The following MBD5 variants were observed in gnomAD, a reference collection of about 807,000 sequenced individuals.
The protein encoded by MBD5 is methyl-CpG binding domain protein 5, also known as methyl-CpG-binding domain protein 5.
In MBD5, 13 loss-of-function variants were observed where a neutral mutation model predicts 117.3. That is an observed-to-expected ratio of 0.11 (90% confidence interval 0.07 to 0.18). The LOEUF is 0.18. Among genes scored for constraint, MBD5 ranks in the 10% least tolerant of loss-of-function variants. The pLI is 1.00. For synonymous variants in MBD5, 727 were observed against 766.4 expected, an observed-to-expected ratio of 0.95 and a Z score of 0.85; for missense variants, 1,879 against 2,093.8, an observed-to-expected ratio of 0.90 and a Z score of 2.00.
At chr2:148,491,322 T>C (rs1681519261) in intron 11 of MBD5, among the ~76,000 whole-genome samples, 1 of 150,688 alleles carries the variant, frequency 6.6e-6, no homozygotes, top group Non-Finnish European at 1.5e-5. Context: ...TTTCGGCCTT[T>C]ACAATAATGG....
chr2:148,383,083 G>A (rs1485459317), intron 4 of MBD5, among the ~76,000 whole-genome samples: 1 of 151,966 alleles, frequency 6.6e-6, no homozygotes, highest in Non-Finnish European at 1.5e-5. Flanking sequence ...AAAGCTAGCA[G>A]AAGGCAAGAA....
chr2:148,108,432 G>C lies in MBD5; in HGVS notation c.-924-70268G>C, dbSNP rs16828249. On this transcript the variant is annotated intron_variant, in intron 1 of 13. Transcript: ENST00000642680. ...TATAAATGTTTGCTACTGTTATTAT[G>C]ATCAATGTGGTGTGTCTAGTTTATG... is the stretch of plus-strand genomic sequence containing the variant. Among the ~76,000 whole-genome samples, 1,136 of 151,884 alleles carry C rather than the reference G, an allele frequency of 7.5e-3. 12 individuals are homozygous for C. Among genetic ancestry groups the C allele is most frequent in the African/African-American group, 0.025 (1,053 of 41,422 alleles).
At chr2:148,057,860 AGTT>A (rs146690026) in intron 1 of MBD5, among the ~76,000 whole-genome samples, 12,233 of 151,892 alleles carry the variant, frequency 0.081, 582 homozygotes, top group South Asian at 0.14. Flanking sequence ...AAACTTACTG[AGTT>A]GTTGTTGTTT....
chr2:148,323,400 A>G (rs1319010364), intron 3 of MBD5, among the ~76,000 whole-genome samples: 1 of 151,544 alleles, frequency 6.6e-6, no homozygotes, highest in Non-Finnish European at 1.5e-5. Flanking sequence ...TTCTAGTTCT[A>G]GATCCCTGAG....
intron 3 of MBD5, among the ~76,000 whole-genome samples, chr2:148,313,008 G>T (rs1032538576): frequency 6.6e-6 from 1 of 152,158 alleles, no homozygotes; most frequent in Non-Finnish European, 1.5e-5. Context: ...ATTGCTGCCT[G>T]TTCCTTCCTC....
intron 4 of MBD5, among the ~76,000 whole-genome samples, chr2:148,401,068 T>G (rs1328825784): frequency 3.3e-5 from 5 of 152,168 alleles, no homozygotes; most frequent in Admixed American, 3.3e-4. Context: ...ATCTGGTCCA[T>G]AAGGAGATTT....
At chr2:148,380,091 T>C (rs1574355496) in intron 4 of MBD5, among the ~76,000 whole-genome samples, 1 of 152,084 alleles carries the variant, frequency 6.6e-6, no homozygotes, top group East Asian at 1.9e-4. Flanking sequence ...AAAACAAAAC[T>C]GGGCATCAAT....
At position 148,490,469 on chromosome 2, in the gene MBD5, C is replaced by T. The variant is rs773779478; in HGVS notation, c.4837C>T (p.Pro1613Ser). 3 of 1,614,154 alleles carry T rather than the reference C, an allele frequency of 1.9e-6. No homozygotes were observed. Among genetic ancestry groups the T allele is most frequent in the Non-Finnish European group, 1.7e-6 (2 of 1,180,032 alleles). Residue 1613 changes from proline to serine, a missense_variant, in exon 11 of 14, where the codon CCA becomes TCA. By Grantham distance (74) the Pro-to-Ser change is moderately conservative. Coordinates refer to ENST00000642680, the MANE Select transcript of MBD5 (RefSeq NM_001378120.1). ...TTCAAATGAATTGATACATTATAGA[C>T]CAAGGACGTTCAATGTTGGCGACTT... ...PSSNELIHYRPRTFNVGDLVW... is the reference protein window; with the variant it reads ...PSSNELIHYRSRTFNVGDLVW...
chr2:148,446,398 A>AAAAC (rs532774841), intron 4 of MBD5, among the ~76,000 whole-genome samples: 86 of 152,152 alleles, frequency 5.7e-4, no homozygotes, highest in East Asian at 2.1e-3. Flanking sequence ...GTGATATCCA[A>AAAAC]AAACAAACAA....
At chr2:148,263,223 T>C (rs1700773520) in intron 3 of MBD5, among the ~76,000 whole-genome samples, 1 of 152,136 alleles carries the variant, frequency 6.6e-6, no homozygotes, top group Middle Eastern at 3.2e-3. Flanking sequence ...GAGAAATATC[T>C]GGGCTGAGAA....
intron 2 of MBD5, among the ~76,000 whole-genome samples, chr2:148,204,991 A>C (rs548362106): frequency 6.6e-6 from 1 of 152,108 alleles, no homozygotes; most frequent in Non-Finnish European, 1.5e-5. Context: ...AAAATTCCCT[A>C]AAAATAAAAT....
intron 3 of MBD5, among the ~76,000 whole-genome samples, chr2:148,237,329 C>T (rs142977914): frequency 1.4e-3 from 213 of 152,288 alleles, no homozygotes; most frequent in African/African-American, 4.7e-3. Flanking sequence ...GACATGTCTT[C>T]CTTACAGTGC....
At chr2:148,036,901 G>A (rs1223385511) in intron 1 of MBD5, among the ~76,000 whole-genome samples, 1 of 151,930 alleles carries the variant, frequency 6.6e-6, no homozygotes, top group African/African-American at 2.4e-5. Flanking sequence ...TAACTCATAA[G>A]TTTAAGAAAC....
At chr2:148,141,308 G>A (rs1351744473) in intron 1 of MBD5, among the ~76,000 whole-genome samples, 1 of 152,014 alleles carries the variant, frequency 6.6e-6, no homozygotes, top group African/African-American at 2.4e-5. Context: ...TCTTGCAATT[G>A]GAGACACTCC....
intron 4 of MBD5, among the ~76,000 whole-genome samples, chr2:148,374,278 AACATGCATATGC>A (rs1703936424): frequency 7.2e-6 from 1 of 138,526 alleles, no homozygotes; most frequent in Non-Finnish European, 1.6e-5. Flanking sequence ...CACACACACG[AACATGCATATGC>A]CCATGTATTT....
At chr2:148,202,687 A>AT (rs1699173921) in intron 2 of MBD5, among the ~76,000 whole-genome samples, 1 of 152,090 alleles carries the variant, frequency 6.6e-6, no homozygotes, top group Non-Finnish European at 1.5e-5. Flanking sequence ...CATATATTGG[A>AT]TTTTTTTAGA....
intron 1 of MBD5, among the ~76,000 whole-genome samples, chr2:148,175,353 T>C (rs1698359600): frequency 1.3e-5 from 2 of 152,198 alleles, no homozygotes; most frequent in South Asian, 4.1e-4. Context: ...TTGACCATAC[T>C]TAATGGATCT....
At chr2:148,136,856 G>A (rs923486636) in intron 1 of MBD5, among the ~76,000 whole-genome samples, 1 of 151,944 alleles carries the variant, frequency 6.6e-6, no homozygotes, top group Non-Finnish European at 1.5e-5. Flanking sequence ...TCCACCTCCT[G>A]GGTTCAAGCA....
At chr2:148,291,277 T>G (rs1701495251) in intron 3 of MBD5, among the ~76,000 whole-genome samples, 1 of 152,196 alleles carries the variant, frequency 6.6e-6, no homozygotes, top group Admixed American at 6.5e-5. Flanking sequence ...ATTGAATCAG[T>G]AGATCAATTT....
Sources: allele counts gnomAD v4.1 joint callset (sites outside exome capture counted in the v4.1 genomes callset), GRCh38; gene constraint gnomAD v4.1.1; transcripts MANE v1.5; gene names NCBI Gene and HGNC (gene_info 2026-07-23, HGNC 2026-07-21).